Variants in CNBD1 observed in about 807,000 individuals in gnomAD.
CNBD1 encodes the protein cyclic nucleotide-binding domain-containing protein 1.
A neutral mutation model predicts 54.4 loss-of-function variants in CNBD1; 71 were observed. That is an observed-to-expected ratio of 1.30 (90% CI 1.08 to 1.59). The LOEUF (loss-of-function observed/expected upper bound fraction) is 1.59, where lower values mean the gene tolerates loss of function less well. CNBD1 is among the 40% of genes most tolerant of loss of function. CNBD1 has a pLI of 0.00. For missense variants in CNBD1, 659 were observed against 518.0 expected (o/e 1.27, Z -2.64); for synonymous variants, 182 against 170.7 (o/e 1.07, Z -0.51).
intron 4 of CNBD1, among the ~76,000 whole-genome samples, chr8:86,979,062 T>A (rs550800734): frequency 1.9e-3 from 292 of 152,224 alleles, no homozygotes; most frequent in African/African-American, 6.7e-3. Context: ...AGACTAGTAA[T>A]GTTAAGATTA....
intron 3 of CNBD1, among the ~76,000 whole-genome samples, chr8:86,935,083 T>G (rs754325660): frequency 5.9e-5 from 9 of 152,082 alleles, no homozygotes; most frequent in Admixed American, 4.6e-4. Flanking sequence ...TTGCCCAGGC[T>G]GGAGTGCAAT....
intron 3 of CNBD1, among the ~76,000 whole-genome samples, chr8:86,926,934 C>G (rs1809371043): frequency 1.3e-5 from 2 of 152,122 alleles, no homozygotes; most frequent in South Asian, 4.1e-4. Context: ...TACTGATAGA[C>G]TTGAGCTTTG....
intron 1 of CNBD1, among the ~76,000 whole-genome samples, chr8:86,875,517 T>C (rs11781285): frequency 0.45 from 67,672 of 152,072 alleles, 15,492 homozygotes; most frequent in East Asian, 0.56. Flanking sequence ...CTATGTACTT[T>C]TTTTAAATCT....
At chr8:87,414,378 G>A (rs557328565) in intron 2 of CNBD1, among the ~76,000 whole-genome samples, 3 of 152,096 alleles carry the variant, frequency 2.0e-5, no homozygotes, top group Non-Finnish European at 4.4e-5. Context: ...GTTGTGGGGT[G>A]GGGAGAGGTG....
At chr8:86,967,180 G>A (rs1002798519) in intron 4 of CNBD1, among the ~76,000 whole-genome samples, 5 of 152,176 alleles carry the variant, frequency 3.3e-5, no homozygotes, top group Admixed American at 2.6e-4. Context: ...AAGTGCGTGT[G>A]GGGGGTCCTT....
intron 4 of CNBD1, among the ~76,000 whole-genome samples, chr8:87,116,579 C>T (rs1384611956): frequency 3.9e-5 from 6 of 152,020 alleles, no homozygotes; most frequent in Admixed American, 2.6e-4. Context: ...TTTATTGTCA[C>T]GTTGATTTGG....
intron 4 of CNBD1, among the ~76,000 whole-genome samples, chr8:87,201,351 A>G (rs1034093082): frequency 5.3e-5 from 8 of 152,220 alleles, no homozygotes; most frequent in African/African-American, 1.9e-4. Context: ...GGCCACTTAT[A>G]TGTAACATTA....
intron 8 of CNBD1, among the ~76,000 whole-genome samples, chr8:87,302,407 A>T (rs1809025411): frequency 6.6e-6 from 1 of 152,032 alleles, no homozygotes; most frequent in African/African-American, 2.4e-5. Context: ...ATCTCAATAG[A>T]TGCAGAAAAG....
chr8:86,994,182 C>A (rs1480090139), intron 4 of CNBD1, among the ~76,000 whole-genome samples: 1 of 152,194 alleles, frequency 6.6e-6, no homozygotes, highest in Non-Finnish European at 1.5e-5. Flanking sequence ...AGCCCTGGGG[C>A]AATGGGATCA....
At chr8:87,063,472 T>A (rs1381025858) in intron 4 of CNBD1, among the ~76,000 whole-genome samples, 1 of 152,148 alleles carries the variant, frequency 6.6e-6, no homozygotes, top group East Asian at 1.9e-4. Context: ...CTCTATTTTC[T>A]TGCCTGATCT....
chr8:87,120,666 TC>T (rs1811871383), intron 4 of CNBD1, among the ~76,000 whole-genome samples: 1 of 152,118 alleles, frequency 6.6e-6, no homozygotes, highest in Admixed American at 6.5e-5. Context: ...TTTGCCCCAA[TC>T]TTTTTGCTTT....
At chr8:87,299,341 G>A (rs1042443373) in intron 8 of CNBD1, among the ~76,000 whole-genome samples, 3 of 152,042 alleles carry the variant, frequency 2.0e-5, no homozygotes, top group African/African-American at 7.2e-5. Flanking sequence ...TCACAATGCG[G>A]TTTGTAGATT....
chr8:87,127,454 G>T (rs576778346), intron 4 of CNBD1, among the ~76,000 whole-genome samples: 4 of 151,990 alleles, frequency 2.6e-5, no homozygotes, highest in Non-Finnish European at 5.9e-5. Flanking sequence ...CTATCTGGAC[G>T]TTCATTGTTA....
At position 86,894,035 on chromosome 8, in the gene CNBD1, A is replaced by ATTTTTTTTTTTTT. The variant is rs869060076; in HGVS notation, c.158+6449_158+6461dup. On this transcript the variant is annotated intron_variant, in intron 2 of 10. Transcript: ENST00000518476. Reference sequence around the variant, plus strand: ...TTTATTCATATATTTTAATAGATTAATTTTTTTTTTTTTTTTTTTTTTTTT... The same window carrying ATTTTTTTTTTTTT: ...TTTATTCATATATTTTAATAGATTAATTTTTTTTTTTTTTTTTTTTTTTTTTTTTTTTTTTTTT... Among the ~76,000 whole-genome samples, 8 of 52,368 alleles carry ATTTTTTTTTTTTT rather than the reference A, an allele frequency of 1.5e-4. 1 individual carries two copies. The highest frequency in any genetic ancestry group is 2.1e-4 in the Non-Finnish European group (6 of 28,064). 34.4% of individuals were successfully genotyped at this position (52,368 alleles called of 152,430 possible).
At chr8:86,989,304 AATAC>A (rs60755421) in intron 4 of CNBD1, among the ~76,000 whole-genome samples, 40 of 149,262 alleles carry the variant, frequency 2.7e-4, no homozygotes, top group East Asian at 1.0e-3. Flanking sequence ...AAAACAAATA[AATAC>A]ATACATACAT....
intron 6 of CNBD1, among the ~76,000 whole-genome samples, chr8:87,255,288 G>A (rs1473122033): frequency 3.3e-5 from 5 of 152,048 alleles, no homozygotes; most frequent in Non-Finnish European, 5.9e-5. Context: ...AGAACCACAG[G>A]AAACAAGATG....
chr8:87,308,075 G>A (rs1809194251), intron 8 of CNBD1, among the ~76,000 whole-genome samples: 2 of 152,048 alleles, frequency 1.3e-5, no homozygotes. Context: ...CAGCCAACAA[G>A]CGACATTATC....
At chr8:87,096,343 CTTTTTTTTTT>C (rs764461082) in intron 4 of CNBD1, among the ~76,000 whole-genome samples, 1 of 117,170 alleles carries the variant, frequency 8.5e-6, no homozygotes, top group African/African-American at 3.1e-5. Flanking sequence ...TCTCTGGTGT[CTTTTTTTTTT>C]TTTTTTTTTT....
intron 8 of CNBD1, among the ~76,000 whole-genome samples, chr8:87,309,069 T>A (rs1809213159): frequency 6.6e-6 from 1 of 152,182 alleles, no homozygotes; most frequent in Non-Finnish European, 1.5e-5. Context: ...TAGGTATCCC[T>A]TTGAAATGCT....
Sources: allele counts gnomAD v4.1 joint callset (sites outside exome capture counted in the v4.1 genomes callset), GRCh38; gene constraint gnomAD v4.1.1; transcripts MANE v1.5; gene names NCBI Gene and HGNC (gene_info 2026-07-23, HGNC 2026-07-21).